Variants in CCDC178 observed in about 807,000 individuals in gnomAD.
CCDC178 encodes the protein coiled-coil domain containing 178.
CCDC178 carries 126 observed loss-of-function variants against 117.4 expected under a neutral mutation model. The ratio of observed to expected loss-of-function variants is 1.07; its 90% CI spans 0.93 to 1.24. The LOEUF (loss-of-function observed/expected upper bound fraction) is 1.24. Among genes scored for constraint, CCDC178 ranks in the 50% most tolerant of loss-of-function variants. The pLI, the probability that CCDC178 is intolerant of heterozygous loss-of-function variation, is 0.00. For missense variants in CCDC178, 1,030 were observed against 986.9 expected, an observed-to-expected ratio of 1.04 and a Z score of -0.59; for synonymous variants, 283 against 313.4, an observed-to-expected ratio of 0.90 and a Z score of 1.02.
chr18:33,372,539 T>A (rs4263016), intron 5 of CCDC178, among the ~76,000 whole-genome samples: 134,990 of 152,080 alleles, frequency 0.89, 62,152 homozygotes, highest in East Asian at 1. Flanking sequence ...ATGGTCAGTG[T>A]GAGTATATTA....
At chr18:32,980,181 C>G (rs1405299724) in intron 21 of CCDC178, among the ~76,000 whole-genome samples, 1 of 151,956 alleles carries the variant, frequency 6.6e-6, no homozygotes, top group Non-Finnish European at 1.5e-5. Context: ...ATTGACAAAT[C>G]TAACCACATT....
At chr18:33,057,761 T>A (rs2056855348) in intron 21 of CCDC178, among the ~76,000 whole-genome samples, 1 of 152,174 alleles carries the variant, frequency 6.6e-6, no homozygotes, top group Non-Finnish European at 1.5e-5. Flanking sequence ...CCCAAAATGC[T>A]GAGATTACAG....
intron 14 of CCDC178, among the ~76,000 whole-genome samples, chr18:33,261,538 T>C (rs1178766633): frequency 6.6e-6 from 1 of 152,212 alleles, no homozygotes. Flanking sequence ...TGTTTCAAAA[T>C]TATATTGTAA....
At chr18:32,996,868 A>G (rs2055521767) in intron 21 of CCDC178, among the ~76,000 whole-genome samples, 1 of 152,192 alleles carries the variant, frequency 6.6e-6, no homozygotes, top group Non-Finnish European at 1.5e-5. Context: ...ATATAAATCA[A>G]TAAGAAAAAA....
intron 20 of CCDC178, among the ~76,000 whole-genome samples, chr18:33,123,587 AT>A (rs1295697245): frequency 6.6e-6 from 1 of 152,120 alleles, no homozygotes; most frequent in Non-Finnish European, 1.5e-5. Context: ...ATAAAAGAAC[AT>A]TTTATCACAA....
At chr18:33,225,014 G>T (rs547259475) in intron 16 of CCDC178, 78 bp from the exon 17 acceptor site, 2 of 1,037,690 alleles carry the variant, frequency 1.9e-6, no homozygotes, top group East Asian at 5.7e-5. Context: ...GTGACAGGCA[G>T]TAATATTTGT....
intron 19 of CCDC178, among the ~76,000 whole-genome samples, chr18:33,214,866 A>G (rs2059147349): frequency 1.3e-5 from 2 of 151,968 alleles, no homozygotes; most frequent in South Asian, 4.1e-4. Flanking sequence ...GCTTGTAGTA[A>G]CCTTCTTTAT....
At chr18:33,440,859 A>AGC (rs2064379230), upstream of CCDC178, 1 of 152,850 alleles carries the variant, frequency 6.5e-6, no homozygotes, top group African/African-American at 2.4e-5. Flanking sequence ...GCGCCCGATC[A>AGC]GCGCTCCAGG....
At chr18:33,180,452 T>G (rs1028112868) in intron 20 of CCDC178, among the ~76,000 whole-genome samples, 1 of 151,938 alleles carries the variant, frequency 6.6e-6, no homozygotes, top group Non-Finnish European at 1.5e-5. Flanking sequence ...TTTAAAGGTA[T>G]GCTAATTATA....
intron 6 of CCDC178, among the ~76,000 whole-genome samples, chr18:33,358,459 G>A (rs1320402177): frequency 6.6e-6 from 1 of 151,862 alleles, no homozygotes; most frequent in East Asian, 1.9e-4. Flanking sequence ...TGACTAGTGG[G>A]ATGGAACAGG....
chr18:33,171,693 G>A (rs1158035259), intron 20 of CCDC178, among the ~76,000 whole-genome samples: 1 of 152,180 alleles, frequency 6.6e-6, no homozygotes, highest in Admixed American at 6.5e-5. Context: ...TTGACATGCT[G>A]TTGGAGCAAA....
intron 20 of CCDC178, among the ~76,000 whole-genome samples, chr18:33,190,519 C>G (rs271457): frequency 6.6e-6 from 1 of 151,898 alleles, no homozygotes; most frequent in South Asian, 2.1e-4. Flanking sequence ...TAATACTTTT[C>G]GTAATTATTT....
At chr18:33,170,956 T>C (rs779806612) in intron 20 of CCDC178, among the ~76,000 whole-genome samples, 1 of 152,232 alleles carries the variant, frequency 6.6e-6, no homozygotes, top group Non-Finnish European at 1.5e-5. Flanking sequence ...TTTCTCTATG[T>C]ATTACTTATC....
chr18:33,334,666 G>T (rs138201696), intron 9 of CCDC178, among the ~76,000 whole-genome samples: 109 of 152,080 alleles, frequency 7.2e-4, no homozygotes, highest in African/African-American at 2.3e-3. Context: ...TAGTTGTGCT[G>T]TGATCATTTA....
At chr18:33,336,988 C>T (rs1759085396) in intron 9 of CCDC178, among the ~76,000 whole-genome samples, 1 of 151,918 alleles carries the variant, frequency 6.6e-6, no homozygotes, top group African/African-American at 2.4e-5. Context: ...TTGCTTTTGG[C>T]CATATGGTCA....
chr18:33,216,595 G>A (rs1344038254), intron 18 of CCDC178, among the ~76,000 whole-genome samples: 3 of 151,904 alleles, frequency 2.0e-5, no homozygotes, highest in African/African-American at 7.3e-5. Context: ...TTCCCCATAT[G>A]CTTCCAAATA....
At chr18:33,291,440 C>T (rs2060164929) in intron 12 of CCDC178, among the ~76,000 whole-genome samples, 1 of 151,776 alleles carries the variant, frequency 6.6e-6, no homozygotes, top group Non-Finnish European at 1.5e-5. Context: ...TACAAATCAC[C>T]CTGCAAAAGT....
intron 9 of CCDC178, among the ~76,000 whole-genome samples, chr18:33,345,456 A>G (rs1414086062): frequency 6.6e-6 from 1 of 152,114 alleles, no homozygotes; most frequent in Non-Finnish European, 1.5e-5. Context: ...ACTCTTAGAA[A>G]CATTTTAGGT....
intron 14 of CCDC178, among the ~76,000 whole-genome samples, chr18:33,246,101 C>T (rs9956710): frequency 0.067 from 10,163 of 151,902 alleles, 511 homozygotes; most frequent in African/African-American, 0.14. Flanking sequence ...AAACTTTGTG[C>T]TTCTAAAAAT....
Sources: gnomAD v4.1 joint callset for allele counts (sites outside exome capture counted in the v4.1 genomes callset) on GRCh38, gnomAD v4.1.1 for gene constraint, MANE v1.5 for transcripts, NCBI Gene and HGNC (gene_info 2026-07-23, HGNC 2026-07-21) for gene names.